Variants in PIEZO2 observed in about 807,000 individuals in gnomAD.
PIEZO2 encodes piezo-type mechanosensitive ion channel component 2.
In PIEZO2, 172 loss-of-function variants were observed where a neutral mutation model predicts 337.3. That is an observed-to-expected ratio of 0.51 (90% CI 0.45 to 0.58). PIEZO2 has a LOEUF of 0.58. PIEZO2 is among the 20% of genes least tolerant of loss of function. The pLI is 0.00. For synonymous variants in PIEZO2, 1,251 were observed against 1,228.5 expected (o/e 1.02, Z -0.38); for missense variants, 3,028 against 3,391.3 (o/e 0.89, Z 2.66).
chr18:10,874,638 T>TA (rs1568152913), intron 4 of PIEZO2, among the ~76,000 whole-genome samples: 1 of 152,072 alleles, frequency 6.6e-6, no homozygotes, highest in African/African-American at 2.4e-5. Flanking sequence ...TATTCAGCCA[T>TA]AAAAAAGAAT....
chr18:11,054,363 G>A (rs2037640935), intron 2 of PIEZO2, among the ~76,000 whole-genome samples: 1 of 152,172 alleles, frequency 6.6e-6, no homozygotes, highest in African/African-American at 2.4e-5. Context: ...ACTGCTGCAT[G>A]CAATAACTAT....
At chr18:10,779,192 G>T (rs1262505349) in intron 18 of PIEZO2, among the ~76,000 whole-genome samples, 1 of 152,140 alleles carries the variant, frequency 6.6e-6, no homozygotes, top group Non-Finnish European at 1.5e-5. Flanking sequence ...TAGAAGTTCT[G>T]CCTCTTAGGG....
chr18:11,030,558 A>C (rs1206437059), intron 2 of PIEZO2, among the ~76,000 whole-genome samples: 2 of 152,132 alleles, frequency 1.3e-5, no homozygotes, highest in African/African-American at 2.4e-5. Context: ...ATTCACCATG[A>C]TGTTGCTGTC....
chr18:11,080,972 C>T lies in PIEZO2; in HGVS notation c.65-14750G>A, dbSNP rs778427185. 1.6e-4 allele frequency among the ~76,000 whole-genome samples: 24 copies of T among 152,160 alleles called. No individual in the cohort carries two copies. The highest frequency in any genetic ancestry group is 1.0e-4 in the Non-Finnish European group (7 of 68,026). On this transcript the variant is annotated intron_variant, in intron 1 of 55. Transcript: ENST00000674853. The surrounding 1 kb of genome is among the most constrained non-coding windows in gnomAD (Gnocchi z 5.4). ...GGTTATTCTGCAACATACCATCTGG[C>T]TAACATAATGACATGGCTACAATAA...
rs2037958034 is a variant in PIEZO2, at chr18:10,758,048, C to T, written c.3844G>A (p.Asp1282Asn). The T allele has an allele frequency of 6.5e-7, 1 of 1,537,202 alleles. No individual in the cohort carries two copies. Among genetic ancestry groups the T allele is most frequent in the African/African-American group, 1.4e-5 (1 of 73,002 alleles). ...AGGTTCATGCAGATCTCGACATTGT[C>T]ACCTGCCATGATTCGCACTGCAGCC... ...NKAAVRIMAG[D>N]NVEICMNLDA... The change falls in exon 27 of 56, where the codon GAC becomes AAC. Residue 1282 changes from aspartate (D) to asparagine (N), a missense_variant. Transcript: ENST00000674853.
chr18:10,842,429 G>C (rs1181660311), intron 7 of PIEZO2, among the ~76,000 whole-genome samples: 1 of 152,204 alleles, frequency 6.6e-6, no homozygotes, highest in African/African-American at 2.4e-5. Context: ...GGGAGGGAAA[G>C]TGGGTGAGTT....
chr18:10,720,387 GTGTGTGTGTGTGTGTGTA>G (rs1183897644), intron 36 of PIEZO2, among the ~76,000 whole-genome samples: 15 of 35,342 alleles, frequency 4.2e-4, no homozygotes, highest in South Asian at 4.1e-3. Flanking sequence ...GTGTGTGTGT[GTGTGTGTGTGTGTGTGTA>G]TGTGTATGTG....
At chr18:11,091,573 C>T (rs2039092758) in intron 1 of PIEZO2, among the ~76,000 whole-genome samples, 1 of 151,878 alleles carries the variant, frequency 6.6e-6, no homozygotes, top group South Asian at 2.1e-4. Context: ...TTGAACAAAA[C>T]GTCATTTGGT....
chr18:10,698,012 C>CGGATTCATTTGTGAACAATTACTGA, intron 44 of PIEZO2, 132 bp from the exon 45 acceptor site: 1 of 1,062,346 alleles, frequency 9.4e-7, no homozygotes. Context: ...TGAGTATGCA[C>CGGATTCATTTGTGAACAATTACTGA]GGCCTTGGGA....
chr18:10,800,482 G>C lies in PIEZO2; in HGVS notation c.1240-7C>G. The C allele has an allele frequency of 6.6e-7, 1 of 1,523,860 alleles. No homozygotes were observed. Among genetic ancestry groups the C allele is most frequent in the Non-Finnish European group, 8.8e-7 (1 of 1,141,188 alleles). 94.4% of individuals were successfully genotyped at this position (1,523,860 alleles called of 1,614,324 possible). A position where few individuals can be genotyped will look rare whatever the true frequency, so the allele number is the denominator to read the frequency against. ...TCACAGTCACCAGCAGGCCCTGCCGGGAGTGCAGAGAAAGGGACAACTGTT... is the reference window on the plus strand; with the variant it reads ...TCACAGTCACCAGCAGGCCCTGCCGCGAGTGCAGAGAAAGGGACAACTGTT... On this transcript the variant is annotated splice_polypyrimidine_tract_variant and splice_region_variant and intron_variant, in intron 10 of 55. Transcript: ENST00000674853.
At position 10,789,339 on chromosome 18, in the gene PIEZO2, C is replaced by T; in HGVS notation, c.1909G>A (p.Glu637Lys). Reference protein sequence around the residue: ...KDEELQDIQVEGEPKEEEEEE... With the variant: ...KDEELQDIQVKGEPKEEEEEE... ...TCTTCCTCCTCTTTGGGCTCTCCTT[C>T]CACTTGTATATCTTGAAGTTCCTCA... The change falls in exon 15 of 56, where the codon GAA (glutamate) becomes AAA (lysine). Residue 637 changes from glutamate (E) to lysine (K), a missense_variant. Around this residue, in one of 5 missense-constraint regions of PIEZO2, gnomAD observed 1,925 missense variants for 2,051.9 expected, o/e 0.94. Transcript: ENST00000674853. 1 of 1,536,904 alleles carries T rather than the reference C, an allele frequency of 6.5e-7. No homozygotes were observed. The highest frequency in any genetic ancestry group is 2.4e-5 in the East Asian group (1 of 40,910).
chr18:10,897,923 CT>C, intron 4 of PIEZO2, among the ~76,000 whole-genome samples: 1 of 152,346 alleles, frequency 6.6e-6, no homozygotes, highest in Non-Finnish European at 1.5e-5. Context: ...TCTTCAAAGA[CT>C]TTCTCTGCTA....
rs1555689861 is a variant in PIEZO2 at position 10,995,082 on chromosome 18, A to AAAAAAAAAGAAAG, written c.161-15423_161-15422insCTTTCTTTTTTTT. ...AACAGAGTGAGACTCCGTCTCAAAA[A>AAAAAAAAAGAAAG]AAAAAAAAAAAAAAGAAAAGCGTTC... On this transcript the variant is annotated intron_variant, in intron 2 of 55. Coordinates refer to ENST00000674853, the MANE Select transcript of PIEZO2 (RefSeq NM_001378183.1). 2.3e-4 allele frequency among the ~76,000 whole-genome samples: 29 copies of AAAAAAAAAGAAAG among 128,140 alleles called. 1 individual carries two copies. The highest frequency in any genetic ancestry group is 6.3e-4 in the East Asian group (3 of 4,764). 84.1% of individuals were successfully genotyped at this position (128,140 alleles called of 152,430 possible). A position where few individuals can be genotyped will look rare whatever the true frequency, so the allele number is the denominator to read the frequency against.
At position 11,029,092 on chromosome 18, in the gene PIEZO2, T is replaced by A. The variant is rs575855256; in HGVS notation, c.160+37035A>T. Among the ~76,000 whole-genome samples the A allele has an allele frequency of 7.9e-5, 12 of 152,350 alleles. No individual in the cohort carries two copies. The South Asian group carries it at 2.5e-3, about 32-fold the overall frequency. On this transcript the variant is annotated intron_variant, in intron 2 of 55. Coordinates refer to ENST00000674853, the MANE Select transcript of PIEZO2 (RefSeq NM_001378183.1). ...TGGGAATTACATTAACTTTTCACAA[T>A]CACAGTTAAAATTTAGTGTAGGCCT...
chr18:11,140,034 C>T lies in PIEZO2; in HGVS notation c.64+8491G>A, dbSNP rs9954524. On this transcript the variant is annotated intron_variant, in intron 1 of 55. Coordinates refer to ENST00000674853, the MANE Select transcript of PIEZO2 (RefSeq NM_001378183.1). ...CACCTGGTCTTTGGTGATCACATGG[C>T]CCCTGCCACCTGGGATCCAACCATC... Among the ~76,000 whole-genome samples the T allele has an allele frequency of 9.2e-3, 1,401 of 152,280 alleles. 22 individuals are homozygous for T. The highest frequency in any genetic ancestry group is 0.03 in the African/African-American group (1,227 of 41,550).
At chr18:10,701,900 C>A (rs62095568) in intron 43 of PIEZO2, 89 bp downstream of exon 43, 1 of 1,189,912 alleles carries the variant, frequency 8.4e-7, no homozygotes, top group East Asian at 2.8e-5. Flanking sequence ...CATCACCAAT[C>A]CTGATGTCCA....
chr18:11,045,928 C>T (rs1431513976), intron 2 of PIEZO2, among the ~76,000 whole-genome samples: 2 of 152,206 alleles, frequency 1.3e-5, no homozygotes, highest in Non-Finnish European at 2.9e-5. Context: ...AGTCCCACCA[C>T]TCACTGTTGT....
chr18:11,103,999 A>G (rs1223204386), intron 1 of PIEZO2, among the ~76,000 whole-genome samples: 2 of 152,146 alleles, frequency 1.3e-5, no homozygotes, highest in South Asian at 2.1e-4. Context: ...CTAAGTGGTC[A>G]TATTTTTAAT....
rs762398178 is a variant in PIEZO2, at chr18:11,109,035, C to T, written c.64+39490G>A. On this transcript the variant is annotated intron_variant, in intron 1 of 55. Transcript: ENST00000674853. The surrounding 1 kb of genome is among the most constrained non-coding windows in gnomAD (Gnocchi z 5.1). ...CACCAAGGTGGGGGCGAACCCAGCC[C>T]ACCAACAACTGCAGCTGCCAGAGGC... Among the ~76,000 whole-genome samples, 4 of 152,178 alleles carry T rather than the reference C, an allele frequency of 2.6e-5. No homozygotes were observed. The highest frequency in any genetic ancestry group is 5.9e-5 in the Non-Finnish European group (4 of 68,028).
Sources: allele counts gnomAD v4.1 joint callset (sites outside exome capture counted in the v4.1 genomes callset), GRCh38; gene constraint gnomAD v4.1.1; regional missense constraint gnomAD v4.1.1; non-coding constraint Gnocchi (gnomAD v3.1); transcripts MANE v1.5; gene names NCBI Gene and HGNC (gene_info 2026-07-23, HGNC 2026-07-21).